Variants in RERG observed in about 807,000 individuals in gnomAD.
RERG encodes ras-related and estrogen-regulated growth inhibitor.
In RERG, 25 loss-of-function variants were observed where a neutral mutation model predicts 23.2. That is an observed-to-expected ratio of 1.08 (90% CI 0.79 to 1.50). RERG has a LOEUF of 1.50. RERG is among the 40% of genes most tolerant of loss of function. RERG has a pLI of 0.00. For missense variants in RERG, 253 were observed against 250.1 expected, an observed-to-expected ratio of 1.01 and a Z score of -0.08; for synonymous variants, 81 against 89.1, an observed-to-expected ratio of 0.91 and a Z score of 0.51.
At chr12:15,152,090 G>C (rs1864452720) in intron 2 of RERG, 1 of 152,118 alleles carries the variant, frequency 6.6e-6, no homozygotes, top group African/African-American at 2.4e-5. Flanking sequence ...GTTTTGTTTT[G>C]CACTTAAAGT....
intron 2 of RERG, among the ~76,000 whole-genome samples, chr12:15,204,572 A>T (rs1241402799): frequency 1.3e-5 from 2 of 151,770 alleles, no homozygotes; most frequent in Non-Finnish European, 3.0e-5. Context: ...TACAATTTTG[A>T]AATACAATAA....
chr12:15,136,034 C>G (rs1249484871), intron 2 of RERG, among the ~76,000 whole-genome samples: 1 of 152,044 alleles, frequency 6.6e-6, no homozygotes, highest in Non-Finnish European at 1.5e-5. Flanking sequence ...ATGGAACTTT[C>G]TGTTTTGGGA....
At position 15,110,768 on chromosome 12, in the gene RERG, G is replaced by A. The variant is rs146299238; in HGVS notation, c.192+576C>T. ...GCTGGGATTACAGGTGTGAGCCACC[G>A]TGCCCAGCCAGTGGTCATTTCTGTA... On this transcript the variant is annotated intron_variant, in intron 4 of 4. Transcript: ENST00000256953. Among the ~76,000 whole-genome samples the A allele has an allele frequency of 1.2e-3, 177 of 152,110 alleles. 1 individual carries two copies. Among genetic ancestry groups the A allele is most frequent in the Middle Eastern group, 3.4e-3 (1 of 294 alleles).
At chr12:15,148,949 A>G (rs1864388463) in intron 2 of RERG, among the ~76,000 whole-genome samples, 1 of 128,736 alleles carries the variant, frequency 7.8e-6, no homozygotes, top group Non-Finnish European at 1.6e-5. Flanking sequence ...GCTCACTGCA[A>G]CCTCCGCCTC....
At chr12:15,131,938 A>C (rs1864055618) in intron 2 of RERG, among the ~76,000 whole-genome samples, 1 of 152,158 alleles carries the variant, frequency 6.6e-6, no homozygotes, top group Non-Finnish European at 1.5e-5. Flanking sequence ...CATATGGAGA[A>C]CCAGGGCCTG....
chr12:15,120,476 TAAAAC>T (rs1324423224), intron 3 of RERG, among the ~76,000 whole-genome samples: 1 of 110,866 alleles, frequency 9.0e-6, no homozygotes, highest in African/African-American at 3.2e-5. Context: ...GTGACAAAAA[TAAAAC>T]AAAACAAAGA....
chr12:15,187,192 G>A (rs889093731), intron 2 of RERG, among the ~76,000 whole-genome samples: 1 of 152,002 alleles, frequency 6.6e-6, no homozygotes, highest in African/African-American at 2.4e-5. Context: ...AAGAGCAGAG[G>A]GGTAGAACCA....
At chr12:15,183,326 A>G (rs552503119) in intron 2 of RERG, among the ~76,000 whole-genome samples, 1 of 152,284 alleles carries the variant, frequency 6.6e-6, no homozygotes, top group African/African-American at 2.4e-5. Flanking sequence ...ATCTGTAATC[A>G]AGAAAGCTCC....
At chr12:15,137,427 T>C (rs981722116) in intron 2 of RERG, among the ~76,000 whole-genome samples, 5 of 151,888 alleles carry the variant, frequency 3.3e-5, no homozygotes, top group African/African-American at 1.2e-4. Flanking sequence ...TTTCTATTCA[T>C]TGCCTTTCTT....
In RERG at chr12:15,161,368, T is replaced by A. The variant is rs199757042; in HGVS notation, c.62-40249A>T. ...CAACAAGTGTATTCTTTGGAGAATG[T>A]TTATCTTCTCCTTAGGTCCTCTCCA... is the stretch of plus-strand genomic sequence containing the variant. On this transcript the variant is annotated intron_variant, in intron 2 of 4. Transcript: ENST00000256953. Among the ~76,000 whole-genome samples, 4 of 152,268 alleles carry A rather than the reference T, an allele frequency of 2.6e-5. No individual in the cohort carries two copies. In the East Asian group the frequency reaches 7.7e-4, roughly 29 times the overall value.
chr12:15,155,820 G>A (rs1033114023), intron 2 of RERG, among the ~76,000 whole-genome samples: 2 of 151,850 alleles, frequency 1.3e-5, no homozygotes, highest in Non-Finnish European at 2.9e-5. Context: ...CACCCCTTTT[G>A]TGCTGTAAAC....
At chr12:15,128,119 G>A (rs1014798348) in intron 2 of RERG, among the ~76,000 whole-genome samples, 2 of 151,660 alleles carry the variant, frequency 1.3e-5, no homozygotes, top group Non-Finnish European at 2.9e-5. Context: ...TTTTTTTAAC[G>A]TGAGCGTACA....
At chr12:15,141,666 C>T (rs1297761223) in intron 2 of RERG, among the ~76,000 whole-genome samples, 1 of 152,080 alleles carries the variant, frequency 6.6e-6, no homozygotes, top group Admixed American at 6.5e-5. Flanking sequence ...ATGATAGATT[C>T]CCTGGGAACT....
intron 2 of RERG, among the ~76,000 whole-genome samples, chr12:15,142,455 A>G (rs1331245877): frequency 6.6e-6 from 1 of 151,136 alleles, no homozygotes; most frequent in Non-Finnish European, 1.5e-5. Flanking sequence ...TACCTCATTT[A>G]TTTTGTTCTC....
At chr12:15,161,363 G>C (rs1864612850) in intron 2 of RERG, among the ~76,000 whole-genome samples, 1 of 152,162 alleles carries the variant, frequency 6.6e-6, no homozygotes, top group Non-Finnish European at 1.5e-5. Context: ...ATTCTTTGGA[G>C]AATGTTTATC....
chr12:15,220,343 GT>G (rs796867244), intron 1 of RERG, among the ~76,000 whole-genome samples: 11 of 151,156 alleles, frequency 7.3e-5, no homozygotes, highest in East Asian at 3.9e-4. Context: ...GAAGGTGTAG[GT>G]TTTTTTTTCC....
intron 2 of RERG, among the ~76,000 whole-genome samples, chr12:15,148,860 T>G (rs78502133): frequency 0.017 from 1,270 of 76,778 alleles, 3 homozygotes; most frequent in Non-Finnish European, 0.021. Context: ...TTTTTTTTTT[T>G]TTTTTTTTTT....
At chr12:15,133,603 C>T (rs1390687695) in intron 2 of RERG, among the ~76,000 whole-genome samples, 1 of 151,962 alleles carries the variant, frequency 6.6e-6, no homozygotes, top group Non-Finnish European at 1.5e-5. Context: ...TTTGGGTAAA[C>T]ATCAAGGAAT....
chr12:15,196,411 T>C (rs536923454), intron 2 of RERG, among the ~76,000 whole-genome samples: 22 of 152,290 alleles, frequency 1.4e-4, no homozygotes, highest in African/African-American at 3.8e-4. Flanking sequence ...ATGCTGGAAA[T>C]TGACACCTTG....
Sources: allele counts gnomAD v4.1 joint callset (sites outside exome capture counted in the v4.1 genomes callset), GRCh38; gene constraint gnomAD v4.1.1; transcripts MANE v1.5; gene names NCBI Gene and HGNC (gene_info 2026-07-23, HGNC 2026-07-21).